RORA: variants seen among roughly 807,000 people sequenced by gnomAD.
The protein encoded by RORA is nuclear receptor ROR-alpha.
A neutral mutation model predicts 69.5 loss-of-function variants in RORA; 7 were observed. The ratio of observed to expected loss-of-function variants is 0.10; its 90% CI spans 0.06 to 0.19. The LOEUF is 0.19. Ranked by LOEUF, RORA falls within the 10% of genes least tolerant of loss-of-function variation. The pLI is 1.00. For synonymous variants in RORA, 261 were observed against 240.8 expected (o/e 1.08, Z -0.78); for missense variants, 457 against 663.0 (o/e 0.69, Z 3.41).
At chr15:60,500,567 T>G (rs776706743) in intron 9 of RORA, among the ~76,000 whole-genome samples, 5 of 152,192 alleles carry the variant, frequency 3.3e-5, no homozygotes, top group Non-Finnish European at 5.9e-5. Flanking sequence ...TCAGATAATC[T>G]AGTGGATGAC....
intron 1 of RORA, among the ~76,000 whole-genome samples, chr15:60,947,295 G>A (rs1194143205): frequency 6.6e-6 from 1 of 152,074 alleles, no homozygotes; most frequent in Non-Finnish European, 1.5e-5. Flanking sequence ...GATTGTTGCT[G>A]TGTCTGTGTG....
At chr15:61,093,474 A>C (rs1214412776) in intron 1 of RORA, among the ~76,000 whole-genome samples, 1 of 152,204 alleles carries the variant, frequency 6.6e-6, no homozygotes, top group Admixed American at 6.5e-5. Context: ...ATACAGACCA[A>C]CAATGCTGCG....
chr15:61,008,529 G>A (rs1389299406), intron 1 of RORA, among the ~76,000 whole-genome samples: 1 of 151,890 alleles, frequency 6.6e-6, no homozygotes, highest in African/African-American at 2.4e-5. Flanking sequence ...CCTGAGGGGT[G>A]GAATCAATTT....
At chr15:60,873,334 T>C (rs1377266402) in intron 1 of RORA, among the ~76,000 whole-genome samples, 1 of 152,030 alleles carries the variant, frequency 6.6e-6, no homozygotes, top group African/African-American at 2.4e-5. Context: ...TAGCCAAATA[T>C]TCAGTACAAA....
At chr15:60,660,393 T>A (rs985771535) in intron 2 of RORA, among the ~76,000 whole-genome samples, 2 of 152,196 alleles carry the variant, frequency 1.3e-5, no homozygotes, top group Non-Finnish European at 2.9e-5. Context: ...TTTTGCTAAA[T>A]CTTACACCAT....
At chr15:60,683,098 C>G (rs2070671699) in intron 1 of RORA, among the ~76,000 whole-genome samples, 1 of 152,156 alleles carries the variant, frequency 6.6e-6, no homozygotes, top group Admixed American at 6.5e-5. Flanking sequence ...GCAGCCTTGA[C>G]CTCCCAGGCT....
chr15:60,999,107 A>C (rs1197605458), intron 1 of RORA, among the ~76,000 whole-genome samples: 1 of 152,228 alleles, frequency 6.6e-6, no homozygotes, highest in Non-Finnish European at 1.5e-5. Context: ...GTGGTTATCA[A>C]GCAGTTGTTG....
intron 1 of RORA, among the ~76,000 whole-genome samples, chr15:61,046,432 C>A (rs782945): frequency 5.3e-5 from 8 of 152,002 alleles, no homozygotes; most frequent in Non-Finnish European, 1.0e-4. Context: ...GCCAATAAGC[C>A]TCTCACAAAG....
rs568509280 is a variant in RORA at position 60,875,166 on chromosome 15, G to A, written c.167-196480C>T. Among the ~76,000 whole-genome samples the A allele has an allele frequency of 5.3e-5, 8 of 152,250 alleles. 1 individual carries two copies. In the South Asian group the frequency reaches 1.7e-3, roughly 32 times the overall value. The stretch of plus-strand genomic sequence containing the variant: ...GAATGTAATCCTACAAAGTTGGAAA[G>A]TTTATTCTGTTTACTGCTGTATTCC... On this transcript the variant is annotated intron_variant, in intron 1 of 10. Coordinates refer to ENST00000335670, the MANE Select transcript of RORA (RefSeq NM_134261.3).
intron 1 of RORA, among the ~76,000 whole-genome samples, chr15:60,731,832 AT>A (rs998265408): frequency 6.6e-6 from 1 of 152,236 alleles, no homozygotes; most frequent in African/African-American, 2.4e-5. Flanking sequence ...ATGAGTTTGA[AT>A]TTCACAAGTA....
intron 1 of RORA, among the ~76,000 whole-genome samples, chr15:61,065,213 G>A (rs1472986539): frequency 6.6e-6 from 1 of 152,196 alleles, no homozygotes; most frequent in East Asian, 1.9e-4. Flanking sequence ...ACCACAGGTA[G>A]CAAGTATCAA....
At chr15:60,773,088 CT>C (rs1223251347) in intron 1 of RORA, among the ~76,000 whole-genome samples, 1 of 152,162 alleles carries the variant, frequency 6.6e-6, no homozygotes, top group Non-Finnish European at 1.5e-5. Context: ...GGAAGGGGCT[CT>C]TTATTGCTTT....
chr15:60,532,857 G>C (rs2066568112), intron 2 of RORA, among the ~76,000 whole-genome samples: 1 of 152,140 alleles, frequency 6.6e-6, no homozygotes, highest in Admixed American at 6.5e-5. Context: ...TATCATGTTA[G>C]ATTACCTACT....
intron 1 of RORA, among the ~76,000 whole-genome samples, chr15:61,073,892 C>T (rs1412057836): frequency 2.0e-5 from 3 of 152,160 alleles, no homozygotes; most frequent in African/African-American, 2.4e-5. Flanking sequence ...AAAAGGCATG[C>T]CCTGGCTTCA....
chr15:60,516,000 TTTATATATATTTA>T (rs2065882599), intron 3 of RORA, among the ~76,000 whole-genome samples: 21 of 10,254 alleles, frequency 2.0e-3, no homozygotes, highest in Non-Finnish European at 3.4e-3. Flanking sequence ...TTTATATATA[TTTATATATATTTA>T]TATATATTTA....
intron 1 of RORA, among the ~76,000 whole-genome samples, chr15:60,801,373 G>A (rs1032795266): frequency 6.6e-6 from 1 of 152,094 alleles, no homozygotes; most frequent in Non-Finnish European, 1.5e-5. Flanking sequence ...GCCTTCATTT[G>A]TTTTAATAAA....
intron 1 of RORA, among the ~76,000 whole-genome samples, chr15:61,095,928 G>A (rs1223226649): frequency 6.6e-6 from 1 of 152,218 alleles, no homozygotes; most frequent in Non-Finnish European, 1.5e-5. Flanking sequence ...AGAATGATGA[G>A]ATGGCCCCTG....
At chr15:60,973,739 C>A (rs940228) in intron 1 of RORA, among the ~76,000 whole-genome samples, 2 of 152,174 alleles carry the variant, frequency 1.3e-5, no homozygotes, top group African/African-American at 4.8e-5. Context: ...AAAGAGAAAA[C>A]TCACCTTGGC....
chr15:60,817,279 G>C (rs2072831838), intron 1 of RORA, among the ~76,000 whole-genome samples: 1 of 152,144 alleles, frequency 6.6e-6, no homozygotes, highest in African/African-American at 2.4e-5. Context: ...GAAAAGTTAT[G>C]TTTAGACTAT....
Sources: allele counts gnomAD v4.1 joint callset (sites outside exome capture counted in the v4.1 genomes callset), GRCh38; gene constraint gnomAD v4.1.1; transcripts MANE v1.5; gene names NCBI Gene and HGNC (gene_info 2026-07-23, HGNC 2026-07-21).